Variants in TAF8 observed in about 807,000 individuals in gnomAD.
TAF8 encodes the protein transcription initiation factor TFIID subunit 8.
TAF8 carries 47 observed loss-of-function variants against 36.5 expected under a neutral mutation model. The ratio of observed to expected loss-of-function variants is 1.29; its 90% confidence interval spans 1.02 to 1.64. The LOEUF (loss-of-function observed/expected upper bound fraction) is 1.64. Among genes scored for constraint, TAF8 ranks in the 40% most tolerant of loss-of-function variants. TAF8 has a pLI of 0.00. For missense variants in TAF8, 420 were observed against 407.6 expected (o/e 1.03, Z -0.26); for synonymous variants, 175 against 159.5 (o/e 1.10, Z -0.73).
chr6:42,056,376 C>T (rs748432618), intron 4 of TAF8: 11 of 242,216 alleles, frequency 4.5e-5, no homozygotes, highest in Non-Finnish European at 8.2e-5. Flanking sequence ...AAAGTCTTAT[C>T]GGAATGCAGC....
chr6:42,068,600 T>C lies in TAF8; in HGVS notation c.773T>C (p.Ile258Thr). 4 of 1,613,052 alleles carry C rather than the reference T, an allele frequency of 2.5e-6. No homozygotes were observed. The highest frequency in any genetic ancestry group is 2.5e-6 in the Non-Finnish European group (3 of 1,180,002). Reference protein sequence around the residue: ...QTDTENLALHISMEDSGAEKE... With the variant: ...QTDTENLALHTSMEDSGAEKE... ...GACACAGAGAACCTTGCTCTTCATA[T>C]CAGCATGGTGGGTTCCACCTTCTGC... Residue 258 changes from isoleucine to threonine, a missense_variant, in exon 7 of 9, where the codon ATC becomes ACC. Transcript: ENST00000372977.
At chr6:42,069,873 G>A (rs1460383227) in intron 7 of TAF8, among the ~76,000 whole-genome samples, 1 of 151,630 alleles carries the variant, frequency 6.6e-6, no homozygotes, top group Admixed American at 6.6e-5. Context: ...GGAAGAACCA[G>A]CATGGAGGTG....
At position 42,078,695 on chromosome 6, in the gene TAF8, C is replaced by A. The variant is rs557980529; in HGVS notation, c.*1150C>A. 2.0e-6 allele frequency: 2 copies of A among 985,420 alleles called. No homozygotes were observed. Among genetic ancestry groups the A allele is most frequent in the East Asian group, 2.3e-4 (2 of 8,818 alleles). The allele number at this position is 985,420 out of a possible 1,614,324, so 61.0% of individuals were successfully genotyped here. A position where few individuals can be genotyped will look rare whatever the true frequency, so the allele number is the denominator to read the frequency against. On this transcript the variant is annotated 3_prime_UTR_variant, in exon 9 of 9. Transcript: ENST00000372977. ...CTCCTGAGAGATTTACCATTTATTG[C>A]CCCTGTGAGGAATGTGTGCTTGGGA...
intron 7 of TAF8, among the ~76,000 whole-genome samples, chr6:42,075,049 A>T (rs1195444748): frequency 6.6e-6 from 1 of 152,020 alleles, no homozygotes; most frequent in Non-Finnish European, 1.5e-5. Context: ...TAACAGTGTT[A>T]CCTCCATGTG....
chr6:42,077,647 C>T lies in TAF8; in HGVS notation c.*102C>T, dbSNP rs1408059721. On this transcript the variant is annotated 3_prime_UTR_variant, in exon 9 of 9. Transcript: ENST00000372977. Reference sequence around the variant, plus strand: ...GAGGGTGACCTCCTCATGGCCAAGCCGAGGCTGCAGGGTGTGATCGGACAT... The same window carrying T: ...GAGGGTGACCTCCTCATGGCCAAGCTGAGGCTGCAGGGTGTGATCGGACAT... The T allele has an allele frequency of 1.7e-5, 26 of 1,559,712 alleles. No homozygotes were observed. The highest frequency in any genetic ancestry group is 1.7e-4 in the Middle Eastern group (1 of 5,758).
intron 2 of TAF8, among the ~76,000 whole-genome samples, chr6:42,053,084 TATTA>T (rs1764854192): frequency 1.3e-5 from 2 of 152,256 alleles, no homozygotes; most frequent in Non-Finnish European, 2.9e-5. Flanking sequence ...TATTTATTCT[TATTA>T]ATTAGAGATG....
chr6:42,055,215 C>T lies in TAF8; in HGVS notation c.203-316C>T, dbSNP rs145381167. Among the ~76,000 whole-genome samples, 408 of 152,376 alleles carry T rather than the reference C, an allele frequency of 2.7e-3. 2 individuals are homozygous for T. Among genetic ancestry groups the T allele is most frequent in the African/African-American group, 9.3e-3 (385 of 41,596 alleles). Reference sequence around the variant, plus strand: ...CTGGGATTACAGGCCTGCGCCACCACACCTGGTCTAGCATAATGTTTTCAA... The same window carrying T: ...CTGGGATTACAGGCCTGCGCCACCATACCTGGTCTAGCATAATGTTTTCAA... On this transcript the variant is annotated intron_variant, in intron 2 of 8. Transcript: ENST00000372977.
chr6:42,065,907 A>G (rs1369153618), intron 5 of TAF8, among the ~76,000 whole-genome samples: 2 of 151,702 alleles, frequency 1.3e-5, no homozygotes, highest in Middle Eastern at 3.2e-3. Flanking sequence ...TTATTTATTT[A>G]TTTATTTTTT....
At chr6:42,074,999 C>T (rs180783165) in intron 7 of TAF8, among the ~76,000 whole-genome samples, 1 of 152,258 alleles carries the variant, frequency 6.6e-6, no homozygotes, top group East Asian at 1.9e-4. Flanking sequence ...AGCCTCTTGA[C>T]CCTCCAGCAG....
chr6:42,072,129 CA>C (rs757518360), intron 7 of TAF8, among the ~76,000 whole-genome samples: 9 of 152,292 alleles, frequency 5.9e-5, no homozygotes, highest in Middle Eastern at 3.4e-3. Context: ...CCTCAAGGGA[CA>C]GGGGGAGCGT....
Position 42,077,587 on chromosome 6 carries a change from C to A in TAF8, c.*42C>A. 6.2e-7 allele frequency: 1 copy of A among 1,609,228 alleles called. No individual in the cohort carries two copies. The highest frequency in any genetic ancestry group is 8.5e-7 in the Non-Finnish European group (1 of 1,177,818). Reference sequence around the variant, plus strand: ...GGCTTGTACAGGGGCGCAGATTCCACCCTCCCGGGGAGTTAAAGCCACTCA... The same window carrying A: ...GGCTTGTACAGGGGCGCAGATTCCAACCTCCCGGGGAGTTAAAGCCACTCA... On this transcript the variant is annotated 3_prime_UTR_variant, in exon 9 of 9. Transcript: ENST00000372977.
chr6:42,084,998 A>G (rs924788138), downstream of TAF8, among the ~76,000 whole-genome samples: 2 of 152,216 alleles, frequency 1.3e-5, no homozygotes, highest in African/African-American at 4.8e-5. Context: ...CTTCCATAAG[A>G]GCAAAAGCTG....
intron 7 of TAF8, among the ~76,000 whole-genome samples, chr6:42,073,107 C>G (rs1451792299): frequency 6.6e-6 from 1 of 152,178 alleles, no homozygotes; most frequent in Non-Finnish European, 1.5e-5. Context: ...CATTATTTAA[C>G]CTGGTTCTAG....
downstream of TAF8, among the ~76,000 whole-genome samples, chr6:42,083,964 G>A (rs1288284076): frequency 4.6e-5 from 7 of 151,974 alleles, no homozygotes; most frequent in African/African-American, 1.7e-4. Flanking sequence ...GGCGGATCAC[G>A]AGGTCAGGAG....
At chr6:42,086,080 T>G (rs560357586), downstream of TAF8, among the ~76,000 whole-genome samples, 1 of 152,334 alleles carries the variant, frequency 6.6e-6, no homozygotes, top group Admixed American at 6.5e-5. Context: ...GCCTTGATCT[T>G]GGGCTTCCCA....
At position 42,079,818 on chromosome 6, in the gene TAF8, T is replaced by C; in HGVS notation, c.*2273T>C. The C allele has an allele frequency of 1.2e-5, 12 of 983,216 alleles. No individual in the cohort carries two copies. Among genetic ancestry groups the C allele is most frequent in the Non-Finnish European group, 1.1e-5 (9 of 828,410 alleles). The allele number at this position is 983,216 out of a possible 1,614,324, so 60.9% of individuals were successfully genotyped here. Reference sequence around the variant, plus strand: ...ATCCACCCGCCTTGGCCTTCCAAAGTGTTGAGATTACAGGCGTGAGCCACG... The same window carrying C: ...ATCCACCCGCCTTGGCCTTCCAAAGCGTTGAGATTACAGGCGTGAGCCACG... On this transcript the variant is annotated 3_prime_UTR_variant, in exon 9 of 9. Coordinates refer to ENST00000372977, the MANE Select transcript of TAF8 (RefSeq NM_138572.3).
Position 42,057,452 on chromosome 6 carries a change from C to T in TAF8, c.428C>T (p.Pro143Leu), listed in dbSNP as rs373004161. The T allele has an allele frequency of 5.5e-5, 89 of 1,613,988 alleles. No individual in the cohort carries two copies. Among genetic ancestry groups the T allele is most frequent in the Middle Eastern group, 1.6e-4 (1 of 6,084 alleles). ...ACTGCAGGGCAGAACCGACCCCACC[C>T]GCCGCACATCCCCAGCCATTTTCCT... is the stretch of plus-strand genomic sequence containing the variant. Reference protein sequence around the residue: ...ALTAGQNRPHPPHIPSHFPEF... With the variant: ...ALTAGQNRPHLPHIPSHFPEF... The change falls in exon 5 of 9, where the codon CCG becomes CTG. Residue 143 changes from proline to leucine, a missense_variant. By Grantham distance (98) the Pro-to-Leu change is moderately conservative. Transcript: ENST00000372977.
At position 42,078,695 on chromosome 6, in the gene TAF8, C is replaced by T. The variant is rs557980529; in HGVS notation, c.*1150C>T. 2 of 985,302 alleles carry T rather than the reference C, an allele frequency of 2.0e-6. No individual in the cohort carries two copies. The highest frequency in any genetic ancestry group is 2.4e-6 in the Non-Finnish European group (2 of 829,928). The allele number at this position is 985,302 out of a possible 1,614,324, so 61.0% of individuals were successfully genotyped here. On this transcript the variant is annotated 3_prime_UTR_variant, in exon 9 of 9. Coordinates refer to ENST00000372977, the MANE Select transcript of TAF8 (RefSeq NM_138572.3). ...CTCCTGAGAGATTTACCATTTATTGCCCCTGTGAGGAATGTGTGCTTGGGA... is the reference window on the plus strand; with the variant it reads ...CTCCTGAGAGATTTACCATTTATTGTCCCTGTGAGGAATGTGTGCTTGGGA...
chr6:42,074,978 C>T (rs547769417), intron 7 of TAF8, among the ~76,000 whole-genome samples: 3 of 152,050 alleles, frequency 2.0e-5, no homozygotes, highest in East Asian at 1.9e-4. Context: ...CACGGTGGGC[C>T]GAATGGAGGG....
Sources: allele counts gnomAD v4.1 joint callset (sites outside exome capture counted in the v4.1 genomes callset), GRCh38; gene constraint gnomAD v4.1.1; transcripts MANE v1.5; gene names NCBI Gene and HGNC (gene_info 2026-07-23, HGNC 2026-07-21).